Variants in EEF1B2 observed in about 807,000 individuals in gnomAD.
EEF1B2 encodes eukaryotic translation elongation factor 1 beta 2, also known as elongation factor 1-beta.
Under a neutral mutation model 28.3 loss-of-function variants are expected in EEF1B2, and 12 were observed. The ratio of observed to expected loss-of-function variants is 0.42; its 90% CI spans 0.27 to 0.69. EEF1B2 has a LOEUF of 0.69. EEF1B2 is among the 30% of genes least tolerant of loss of function. The pLI, the probability that EEF1B2 is intolerant of heterozygous loss-of-function variation, is 0.22. For missense variants in EEF1B2, 234 were observed against 272.6 expected (o/e 0.86, Z 1.00); for synonymous variants, 83 against 99.9 (o/e 0.83, Z 1.01).
intron 5 of EEF1B2, 26 bp from the exon 6 acceptor site, chr2:206,162,703 A>C (rs752065837): frequency 6.2e-7 from 1 of 1,612,352 alleles, no homozygotes; most frequent in Admixed American, 1.7e-5. Context: ...TTTTCTAACT[A>C]GGATTTTTCT....
At chr2:206,161,090 GA>G in intron 2 of EEF1B2, 1 of 573,784 alleles carries the variant, frequency 1.7e-6, no homozygotes, top group Non-Finnish European at 3.1e-6. Flanking sequence ...CATACTTAAT[GA>G]AATCTCAAAC....
chr2:206,160,562 T>TGTGAATGTTTCTGTGTCCTTGGCAGG, intron 1 of EEF1B2, 26 bp from the exon 2 acceptor site: 1 of 1,613,922 alleles, frequency 6.2e-7, no homozygotes, highest in Non-Finnish European at 8.5e-7. Context: ...CAAAGGTGTG[T>TGTGAATGTTTCTGTGTCCTTGGCAGG]GTGAATGTTT....
intron 4 of EEF1B2, 146 bp downstream of exon 4, chr2:206,162,250 C>CT: frequency 9.3e-7 from 1 of 1,071,146 alleles, no homozygotes; most frequent in East Asian, 2.4e-5. Flanking sequence ...TGGTCTGCAG[C>CT]TGTTCTTATG....
Position 206,161,401 on chromosome 2 carries a change from A to G in EEF1B2, c.259A>G (p.Thr87Ala). ...GKYGPADVED[T>A]TGSGATDSKD... ...ATATGGTCCTGCCGATGTGGAAGAC[A>G]CTACAGGAAGTGGAGCTACAGATAG... Residue 87 changes from threonine to alanine, a missense_variant, in exon 3 of 6, where the codon ACT (threonine) becomes GCT (alanine). Physicochemically the swap from Thr to Ala is moderately conservative, Grantham distance 58. Around this residue, in one of 2 missense-constraint regions of EEF1B2, gnomAD observed 178 missense variants for 173.3 expected, o/e 1.03. Coordinates refer to ENST00000392222, the MANE Select transcript of EEF1B2 (RefSeq NM_001959.4). 3 of 1,614,178 alleles carry G rather than the reference A, an allele frequency of 1.9e-6. No homozygotes were observed. Among genetic ancestry groups the G allele is most frequent in the Non-Finnish European group, 2.5e-6 (3 of 1,180,012 alleles).
At chr2:206,159,872 G>C, upstream of EEF1B2, 3 of 1,320,106 alleles carry the variant, frequency 2.3e-6, no homozygotes, top group Non-Finnish European at 2.1e-6. Context: ...CTCTATATAA[G>C]GAATTTTCCG....
At chr2:206,162,176 AT>A in intron 4 of EEF1B2, 72 bp downstream of exon 4, 1 of 1,455,460 alleles carries the variant, frequency 6.9e-7, no homozygotes, top group Non-Finnish European at 9.6e-7. Flanking sequence ...CCTTGAAGTA[AT>A]TTCCTCCACA....
chr2:206,161,854 T>C, intron 3 of EEF1B2, 184 bp from the exon 4 acceptor site: 1 of 757,284 alleles, frequency 1.3e-6, no homozygotes, highest in Non-Finnish European at 2.4e-6. Context: ...TGGCTTTAAT[T>C]TATATGCCTT....
upstream of EEF1B2, chr2:206,159,810 G>C: frequency 1.6e-6 from 1 of 634,322 alleles, no homozygotes; most frequent in Non-Finnish European, 2.7e-6. Context: ...GAATGCAAAA[G>C]TACTTTGACC....
intron 1 of EEF1B2, 143 bp downstream of exon 1, chr2:206,160,202 GCCGT>G (rs1320982828): frequency 8.8e-7 from 1 of 1,134,412 alleles, no homozygotes; most frequent in African/African-American, 1.6e-5. Flanking sequence ...GCGCCCCGTT[GCCGT>G]CTCCCAAGGC....
intron 1 of EEF1B2, 67 bp from the exon 2 acceptor site, chr2:206,160,521 A>G (rs1387727380): frequency 1.9e-6 from 3 of 1,611,428 alleles, no homozygotes; most frequent in East Asian, 2.2e-5. Flanking sequence ...TGCATACGGT[A>G]TTTATTATTT....
rs771959213 is a variant in EEF1B2, at chr2:206,162,515, A to T, written c.424A>T (p.Ile142Phe). Reference sequence around the variant, plus strand: ...ACCTGCACTTGTTGCCAAGTCTTCCATCTTACTAGATGTGAAACCTTGGGA... The same window carrying T: ...ACCTGCACTTGTTGCCAAGTCTTCCTTCTTACTAGATGTGAAACCTTGGGA... ...KKPALVAKSS[I>F]LLDVKPWDDE... The change falls in exon 5 of 6, where the codon ATC (isoleucine) becomes TTC (phenylalanine). Residue 142 changes from isoleucine (I) to phenylalanine (F), a missense_variant. By Grantham distance (21) the Ile-to-Phe change is conservative (BLOSUM62 0). Around this residue, in one of 2 missense-constraint regions of EEF1B2, gnomAD observed 178 missense variants for 173.3 expected, o/e 1.03. Coordinates refer to ENST00000392222, the MANE Select transcript of EEF1B2 (RefSeq NM_001959.4). 5 of 1,613,106 alleles carry T rather than the reference A, an allele frequency of 3.1e-6. No individual in the cohort carries two copies. The highest frequency in any genetic ancestry group is 3.4e-6 in the Non-Finnish European group (4 of 1,179,994).
chr2:206,160,043 A>G lies in EEF1B2; in HGVS notation c.64A>G (p.Lys22Glu). ...GGTGCTCAACGATTACCTGGCGGAC[A>G]AGAGCTACATCGAGGGGTGAGCGGA... ...LQVLNDYLADKSYIEGYVPSQ... is the reference protein window; with the variant it reads ...LQVLNDYLADESYIEGYVPSQ... Residue 22 changes from lysine to glutamate, a missense_variant, in exon 1 of 6, where the codon AAG becomes GAG. Coordinates refer to ENST00000392222, the MANE Select transcript of EEF1B2 (RefSeq NM_001959.4). 3 of 1,613,320 alleles carry G rather than the reference A, an allele frequency of 1.9e-6. No homozygotes were observed. The highest frequency in any genetic ancestry group is 2.5e-6 in the Non-Finnish European group (3 of 1,179,718).
chr2:206,160,561 G>T, intron 1 of EEF1B2, 27 bp from the exon 2 acceptor site: 1 of 1,613,882 alleles, frequency 6.2e-7, no homozygotes, highest in Non-Finnish European at 8.5e-7. Context: ...TCAAAGGTGT[G>T]TGTGAATGTT....
At chr2:206,162,441 G>GA (rs774742946) in intron 4 of EEF1B2, 48 bp from the exon 5 acceptor site, 2 of 1,607,270 alleles carry the variant, frequency 1.2e-6, no homozygotes, top group South Asian at 1.1e-5. Context: ...GGAGTAGGGT[G>GA]AAAAAAATAC....
intron 4 of EEF1B2, 177 bp from the exon 5 acceptor site, chr2:206,162,312 T>A (rs768745279): frequency 5.0e-6 from 6 of 1,203,934 alleles, no homozygotes; most frequent in Middle Eastern, 1.9e-4. Flanking sequence ...CACAAACACC[T>A]CTTTCTTAGC....
In EEF1B2 at chr2:206,161,427, T is replaced by G. The variant is rs1484492999; in HGVS notation, c.285T>G (p.Ser95Arg). Residue 95 changes from serine (S) to arginine (R), a missense_variant, in exon 3 of 6, where the codon AGT (serine) becomes AGG (arginine). Ser to Arg is a moderately radical substitution (Grantham distance 110, BLOSUM62 -1). This residue lies in a region of EEF1B2 where 178 missense variants were observed against 173.3 expected (regional missense o/e 1.03). Coordinates refer to ENST00000392222, the MANE Select transcript of EEF1B2 (RefSeq NM_001959.4). ...EDTTGSGATDSKDDDDIDLFG... is the reference protein window; with the variant it reads ...EDTTGSGATDRKDDDDIDLFG... ...CTACAGGAAGTGGAGCTACAGATAG[T>G]AAAGATGATGATGACATTGACCTCT... 13 of 1,613,840 alleles carry G rather than the reference T, an allele frequency of 8.1e-6. No individual in the cohort carries two copies. The highest frequency in any genetic ancestry group is 1.1e-5 in the Non-Finnish European group (13 of 1,179,920).
chr2:206,160,895 T>C (rs1687907713), intron 2 of EEF1B2, 185 bp downstream of exon 2: 2 of 920,948 alleles, frequency 2.2e-6, no homozygotes, highest in African/African-American at 1.6e-5. Flanking sequence ...AGGTAGAACA[T>C]GGACAGCAGC....
In EEF1B2 at chr2:206,161,487, A is replaced by C. The variant is rs1410189731; in HGVS notation, c.330+15A>C. ...ATGATGAGGAGGTATGGCGTCTTCT[A>C]TAAAGAACATATCGGCCAGGCGCAG... On this transcript the variant is annotated intron_variant, in intron 3 of 5. Coordinates refer to ENST00000392222, the MANE Select transcript of EEF1B2 (RefSeq NM_001959.4). 6.2e-7 allele frequency: 1 copy of C among 1,613,112 alleles called. No individual in the cohort carries two copies. Among genetic ancestry groups the C allele is most frequent in the South Asian group, 1.1e-5 (1 of 91,038 alleles).
intron 5 of EEF1B2, 23 bp from the exon 6 acceptor site, chr2:206,162,706 A>AT (rs1383681968): frequency 5.0e-6 from 8 of 1,612,590 alleles, no homozygotes; most frequent in Non-Finnish European, 5.9e-6. Context: ...TCTAACTAGG[A>AT]TTTTTCTTAA....
Sources: allele counts gnomAD v4.1 joint callset, GRCh38; gene constraint gnomAD v4.1.1; regional missense constraint gnomAD v4.1.1; transcripts MANE v1.5; gene names NCBI Gene and HGNC (gene_info 2026-07-23, HGNC 2026-07-21).